Variants in KCNIP4 observed in about 807,000 individuals in gnomAD.
KCNIP4 encodes the protein potassium voltage-gated channel interacting protein 4.
KCNIP4 carries 12 observed loss-of-function variants against 34.0 expected under a neutral mutation model. The ratio of observed to expected loss-of-function variants is 0.35; its 90% CI spans 0.23 to 0.57. The LOEUF (loss-of-function observed/expected upper bound fraction) is 0.57. Ranked by LOEUF, KCNIP4 falls within the 20% of genes least tolerant of loss-of-function variation. The pLI is 0.83. For missense variants in KCNIP4, 238 were observed against 311.7 expected (o/e 0.76, Z 1.78); for synonymous variants, 124 against 102.2 (o/e 1.21, Z -1.29).
chr4:21,489,367 C>G (rs570198671), intron 1 of KCNIP4, among the ~76,000 whole-genome samples: 1 of 150,294 alleles, frequency 6.7e-6, no homozygotes, highest in African/African-American at 2.4e-5. Context: ...CAATACCCTT[C>G]CAATTGAATA....
At chr4:21,490,820 G>C (rs528623046) in intron 1 of KCNIP4, among the ~76,000 whole-genome samples, 1 of 152,264 alleles carries the variant, frequency 6.6e-6, no homozygotes, top group East Asian at 1.9e-4. Context: ...CAGATGCATA[G>C]AGGATGCAGG....
rs56347755 is a variant in KCNIP4 at position 21,242,880 on chromosome 4, C to CTG, written c.62-360173_62-360172dup. 4.6e-3 allele frequency among the ~76,000 whole-genome samples: 692 copies of CTG among 149,268 alleles called. 14 individuals carry two copies. The East Asian group carries it at 0.047, about 10-fold the overall frequency. On this transcript the variant is annotated intron_variant, in intron 1 of 8. Transcript: ENST00000382152. Reference sequence around the variant, plus strand: ...CTCTTTCTCACACATGTGTGTGTATCTGTGTGTGTGTGTGTGTGTGTGTGT... The same window carrying CTG: ...CTCTTTCTCACACATGTGTGTGTATCTGTGTGTGTGTGTGTGTGTGTGTGTGT...
chr4:21,577,367 C>A (rs540398115), intron 1 of KCNIP4, among the ~76,000 whole-genome samples: 1 of 152,250 alleles, frequency 6.6e-6, no homozygotes, highest in East Asian at 1.9e-4. Context: ...CTGTGGCTCA[C>A]CCCTGTAATC....
At chr4:21,504,739 T>G (rs1442291221) in intron 1 of KCNIP4, among the ~76,000 whole-genome samples, 1 of 152,124 alleles carries the variant, frequency 6.6e-6, no homozygotes, top group East Asian at 1.9e-4. Flanking sequence ...TCAGATGATA[T>G]TTTAGATACA....
At chr4:21,207,214 G>T (rs1243613212) in intron 1 of KCNIP4, among the ~76,000 whole-genome samples, 1 of 152,068 alleles carries the variant, frequency 6.6e-6, no homozygotes, top group African/African-American at 2.4e-5. Context: ...TAATGTATTA[G>T]AAAAAGGATA....
rs192546107 is a variant in KCNIP4 at position 21,219,903 on chromosome 4, T to G, written c.62-337194A>C. Among the ~76,000 whole-genome samples the G allele has an allele frequency of 5.7e-4, 87 of 152,328 alleles. 1 individual carries two copies. The highest frequency in any genetic ancestry group is 2.1e-3 in the African/African-American group (86 of 41,582). On this transcript the variant is annotated intron_variant, in intron 1 of 8. Coordinates refer to ENST00000382152, the MANE Select transcript of KCNIP4 (RefSeq NM_025221.6). ...GAAATATTAAAAACTTACTGAGTTCTTCTTCTGTATAAAATACTGTGTCAG... is the reference window on the plus strand; with the variant it reads ...GAAATATTAAAAACTTACTGAGTTCGTCTTCTGTATAAAATACTGTGTCAG...
chr4:21,147,939 CA>C (rs377562727), intron 1 of KCNIP4, among the ~76,000 whole-genome samples: 575 of 31,020 alleles, frequency 0.019, 16 homozygotes, highest in East Asian at 0.17. Context: ...AACTCCGTCT[CA>C]AAAAAAAAAA....
At chr4:21,175,226 A>G (rs183565259) in intron 1 of KCNIP4, among the ~76,000 whole-genome samples, 285 of 152,224 alleles carry the variant, frequency 1.9e-3, no homozygotes, top group Non-Finnish European at 3.3e-3. Context: ...CCTTGAAGTC[A>G]TAGAAGAAAA....
At chr4:21,223,736 C>T (rs143091255) in intron 1 of KCNIP4, among the ~76,000 whole-genome samples, 12 of 152,224 alleles carry the variant, frequency 7.9e-5, no homozygotes, top group South Asian at 4.1e-4. Flanking sequence ...TGCAATCTAT[C>T]GGTGTTAAAT....
At chr4:21,457,881 A>C (rs1023520215) in intron 1 of KCNIP4, among the ~76,000 whole-genome samples, 6 of 152,034 alleles carry the variant, frequency 3.9e-5, no homozygotes, top group Non-Finnish European at 8.8e-5. Flanking sequence ...ATACAAAAAT[A>C]ATCTCTAATC....
At chr4:21,066,275 G>A (rs949274449) in intron 1 of KCNIP4, among the ~76,000 whole-genome samples, 1 of 152,038 alleles carries the variant, frequency 6.6e-6, no homozygotes, top group African/African-American at 2.4e-5. Context: ...TTAGGGCTAA[G>A]GAAAATAATT....
chr4:21,327,017 C>T (rs1178707105), intron 1 of KCNIP4, among the ~76,000 whole-genome samples: 1 of 151,864 alleles, frequency 6.6e-6, no homozygotes, highest in African/African-American at 2.4e-5. Flanking sequence ...AAAGTTGCTG[C>T]AGTTATATTA....
intron 1 of KCNIP4, among the ~76,000 whole-genome samples, chr4:21,647,014 G>A (rs1747069596): frequency 6.6e-6 from 1 of 151,998 alleles, no homozygotes; most frequent in African/African-American, 2.4e-5. Flanking sequence ...CAGTTTTTCA[G>A]TCTTTTGTAA....
chr4:21,021,354 A>G (rs1740015505), intron 1 of KCNIP4, among the ~76,000 whole-genome samples: 1 of 152,206 alleles, frequency 6.6e-6, no homozygotes, highest in Non-Finnish European at 1.5e-5. Flanking sequence ...ACTTTATAAT[A>G]AACATTGTAC....
chr4:20,935,898 C>T (rs1731009225), intron 1 of KCNIP4, among the ~76,000 whole-genome samples: 1 of 151,440 alleles, frequency 6.6e-6, no homozygotes, highest in Non-Finnish European at 1.5e-5. Flanking sequence ...CATCATCACT[C>T]CCTCCTCTTC....
chr4:21,112,049 C>CTATCTATCTATCTATCTATA (rs1553940038), intron 1 of KCNIP4, among the ~76,000 whole-genome samples: 3,571 of 151,802 alleles, frequency 0.024, 72 homozygotes, highest in African/African-American at 0.043. Context: ...ATCTATCTAT[C>CTATCTATCTATCTATCTATA]TATCTATCTA....
In KCNIP4 at chr4:21,405,447, C is replaced by T. The variant is rs138905376; in HGVS notation, c.62-522738G>A. On this transcript the variant is annotated intron_variant, in intron 1 of 8. Transcript: ENST00000382152. ...CCTTTAAACTAGAACCTCTCAAACA[C>T]GTCAGCAGGTATTTCTTTCCTATTA... Among the ~76,000 whole-genome samples the T allele has an allele frequency of 3.6e-3, 555 of 152,248 alleles. 1 individual carries two copies. Among genetic ancestry groups the T allele is most frequent in the African/African-American group, 0.012 (519 of 41,542 alleles).
At chr4:21,415,753 C>A (rs755152770) in intron 1 of KCNIP4, among the ~76,000 whole-genome samples, 1 of 151,998 alleles carries the variant, frequency 6.6e-6, no homozygotes, top group African/African-American at 2.4e-5. Context: ...GAGTAGTTCT[C>A]ATTTTAAATG....
chr4:21,520,795 T>C (rs985759432), intron 1 of KCNIP4, among the ~76,000 whole-genome samples: 2 of 152,214 alleles, frequency 1.3e-5, no homozygotes, highest in Admixed American at 6.5e-5. Flanking sequence ...TGTTTCAATA[T>C]ACTTTATCCA....
Sources: gnomAD v4.1 joint callset for allele counts (sites outside exome capture counted in the v4.1 genomes callset) on GRCh38, gnomAD v4.1.1 for gene constraint, MANE v1.5 for transcripts, NCBI Gene and HGNC (gene_info 2026-07-23, HGNC 2026-07-21) for gene names.